The following IL1RAPL2 variants were observed in gnomAD, a reference collection of about 807,000 sequenced individuals.
IL1RAPL2 encodes X-linked interleukin-1 receptor accessory protein-like 2.
Under a neutral mutation model 44.1 loss-of-function variants are expected in IL1RAPL2, and 3 were observed. That is an observed-to-expected ratio of 0.07 (90% CI 0.03 to 0.18). The LOEUF (loss-of-function observed/expected upper bound fraction) is 0.18. Among genes scored for constraint, IL1RAPL2 ranks in the 10% least tolerant of loss-of-function variants. The pLI, the probability that IL1RAPL2 is intolerant of heterozygous loss-of-function variation, is 1.00. For synonymous variants in IL1RAPL2, 181 were observed against 178.8 expected (o/e 1.01, Z -0.10); for missense variants, 391 against 496.4 (o/e 0.79, Z 2.02).
intron 5 of IL1RAPL2, among the ~76,000 whole-genome samples, chrX:105,462,632 T>A (rs1031221568): frequency 9.0e-6 from 1 of 111,128 alleles, no homozygotes; most frequent in African/African-American, 3.3e-5. Context: ...TATTGAAAAA[T>A]TTGGGGTCCT....
At chrX:104,796,602 A>G (rs1033374078) in intron 2 of IL1RAPL2, among the ~76,000 whole-genome samples, 3 of 111,997 alleles carry the variant, frequency 2.7e-5, no homozygotes, top group Non-Finnish European at 3.8e-5. Flanking sequence ...AAAATGGTTG[A>G]TATCTGAACC....
chrX:105,666,891 C>G (rs903851068), intron 6 of IL1RAPL2, among the ~76,000 whole-genome samples: 1 of 111,813 alleles, frequency 8.9e-6, no homozygotes, highest in Non-Finnish European at 1.9e-5. Flanking sequence ...CCTGACTGCA[C>G]GTCCATTCAT....
chrX:105,662,174 C>A (rs2037725035), intron 6 of IL1RAPL2, among the ~76,000 whole-genome samples: 1 of 112,229 alleles, frequency 8.9e-6, no homozygotes, highest in African/African-American at 3.2e-5. Flanking sequence ...TCCACCAAAG[C>A]CAGAATTTTC....
At chrX:104,568,155 A>G (rs1377110892) in intron 1 of IL1RAPL2, among the ~76,000 whole-genome samples, 1 of 110,845 alleles carries the variant, frequency 9.0e-6, no homozygotes, top group Non-Finnish European at 1.9e-5. Context: ...GGACCTGCCC[A>G]CCACCACTAC....
intron 6 of IL1RAPL2, among the ~76,000 whole-genome samples, chrX:105,543,934 C>T (rs1185550062): frequency 1.8e-5 from 2 of 111,628 alleles, no homozygotes; most frequent in Non-Finnish European, 3.8e-5. Context: ...TTAGAATAGA[C>T]ATGTCAATTT....
At chrX:104,831,004 CAG>C (rs1158568693) in intron 2 of IL1RAPL2, among the ~76,000 whole-genome samples, 1 of 111,574 alleles carries the variant, frequency 9.0e-6, no homozygotes, top group Non-Finnish European at 1.9e-5. Context: ...TGGGAAGTGT[CAG>C]AAACTGTTTT....
intron 2 of IL1RAPL2, among the ~76,000 whole-genome samples, chrX:105,013,722 T>C (rs2031110247): frequency 9.0e-6 from 1 of 111,281 alleles, no homozygotes; most frequent in Non-Finnish European, 1.9e-5. Context: ...CCCTTCTGCC[T>C]ACTGAAAATC....
At chrX:104,620,208 G>A (rs1236249449) in intron 1 of IL1RAPL2, among the ~76,000 whole-genome samples, 1 of 111,021 alleles carries the variant, frequency 9.0e-6, no homozygotes, top group Non-Finnish European at 1.9e-5. Context: ...ATTAAAAGAT[G>A]TGGTGTAATT....
intron 2 of IL1RAPL2, among the ~76,000 whole-genome samples, chrX:104,904,201 A>T (rs1257658581): frequency 9.3e-6 from 1 of 107,288 alleles, no homozygotes; most frequent in Non-Finnish European, 1.9e-5. Context: ...GCTCTGCTCT[A>T]ACATGGAAAG....
intron 5 of IL1RAPL2, among the ~76,000 whole-genome samples, chrX:105,448,057 A>G (rs1209034348): frequency 9.4e-6 from 1 of 106,558 alleles, no homozygotes; most frequent in Non-Finnish European, 1.9e-5. Flanking sequence ...TAAATATGTC[A>G]TTTCAAATGT....
At chrX:105,759,681 G>A (rs769771840) in intron 10 of IL1RAPL2, among the ~76,000 whole-genome samples, 1 of 111,934 alleles carries the variant, frequency 8.9e-6, no homozygotes, top group Non-Finnish European at 1.9e-5. Flanking sequence ...CTTGCATTTG[G>A]TAGACTTTCC....
In IL1RAPL2 at chrX:105,225,092, C is replaced by G. The variant is rs782555530; in HGVS notation, c.357-8726C>G. ...TCAGATTTTGAACAAGCTGCCTGTA[C>G]CCTTAGGTGGCATATTGCAACTGCC... is the stretch of plus-strand genomic sequence containing the variant. On this transcript the variant is annotated intron_variant, in intron 3 of 10. Coordinates refer to ENST00000372582, the MANE Select transcript of IL1RAPL2 (RefSeq NM_017416.2). 1.2e-4 allele frequency among the ~76,000 whole-genome samples: 13 copies of G among 111,812 alleles called. No individual in the cohort carries two copies. In the South Asian group the frequency reaches 4.9e-3, roughly 42 times the overall value.
At chrX:105,648,861 A>G (rs967370132) in intron 6 of IL1RAPL2, among the ~76,000 whole-genome samples, 1 of 111,466 alleles carries the variant, frequency 9.0e-6, no homozygotes, top group Non-Finnish European at 1.9e-5. Flanking sequence ...TAACAGGGCA[A>G]GGTTACCAGT....
chrX:104,694,274 T>C (rs1416870151), intron 2 of IL1RAPL2, among the ~76,000 whole-genome samples: 1 of 111,768 alleles, frequency 8.9e-6, no homozygotes, highest in Non-Finnish European at 1.9e-5. Context: ...ACCAGGCATT[T>C]GGTTTCTTCA....
intron 6 of IL1RAPL2, among the ~76,000 whole-genome samples, chrX:105,679,688 G>T (rs1174356012): frequency 1.8e-5 from 2 of 111,524 alleles, no homozygotes; most frequent in Non-Finnish European, 3.8e-5. Context: ...AGGCCTAAAG[G>T]CTAGAGATGA....
intron 2 of IL1RAPL2, among the ~76,000 whole-genome samples, chrX:104,677,042 A>G (rs1295539765): frequency 9.0e-6 from 1 of 111,464 alleles, no homozygotes; most frequent in Non-Finnish European, 1.9e-5. Context: ...TTTGGTTTGA[A>G]TGTCCTCCCA....
intron 5 of IL1RAPL2, among the ~76,000 whole-genome samples, chrX:105,378,356 A>G (rs1195696129): frequency 8.9e-6 from 1 of 111,924 alleles, no homozygotes; most frequent in Admixed American, 9.5e-5. Context: ...TCTTTTATTT[A>G]CGCCTTTCAG....
intron 2 of IL1RAPL2, among the ~76,000 whole-genome samples, chrX:105,030,511 C>T (rs2031469851): frequency 9.0e-6 from 1 of 111,543 alleles, no homozygotes; most frequent in African/African-American, 3.3e-5. Context: ...GAATTATTTC[C>T]CCATTTCTTG....
intron 1 of IL1RAPL2, among the ~76,000 whole-genome samples, chrX:104,627,404 G>A (rs1929535666): frequency 1.9e-5 from 2 of 107,717 alleles, no homozygotes; most frequent in Admixed American, 1.0e-4. Flanking sequence ...AATGGGTGCA[G>A]CACACCAACA....
Sources: allele counts gnomAD v4.1 joint callset (sites outside exome capture counted in the v4.1 genomes callset), GRCh38; gene constraint gnomAD v4.1.1; transcripts MANE v1.5; gene names NCBI Gene and HGNC (gene_info 2026-07-23, HGNC 2026-07-21).